The following MAP3K4 variants were observed in gnomAD, a reference collection of about 807,000 sequenced individuals.
MAP3K4 encodes the protein MAP three kinase 1.
A neutral mutation model predicts 185.6 loss-of-function variants in MAP3K4; 67 were observed. That is an observed-to-expected ratio of 0.36 (90% CI 0.30 to 0.44). The LOEUF (loss-of-function observed/expected upper bound fraction) is 0.44. MAP3K4 is among the 20% of genes least tolerant of loss of function. The probability of loss-of-function intolerance (pLI) is 1.00; values close to 1 mark genes in which losing one functional copy is unlikely to be tolerated. For missense variants in MAP3K4, 1,551 were observed against 1,995.1 expected, an observed-to-expected ratio of 0.78 and a Z score of 4.24; for synonymous variants, 702 against 710.4, an observed-to-expected ratio of 0.99 and a Z score of 0.19.
Position 161,115,256 on chromosome 6 carries a change from A to G in MAP3K4, c.4760A>G (p.Lys1587Arg). The change falls in exon 26 of 27, where the codon AAG becomes AGG. Residue 1587 changes from lysine (K) to arginine (R), a missense_variant. Lys to Arg is a conservative substitution (Grantham distance 26). Transcript: ENST00000392142. The surrounding 1 kb of genome is among the most constrained non-coding windows in gnomAD (Gnocchi z 6.0). Reference sequence around the variant, plus strand: ...TCTCACTGCCTTGAGAGTGACCCAAAGATGAGATGGACCGCCAGCCAGCTC... The same window carrying G: ...TCTCACTGCCTTGAGAGTGACCCAAGGATGAGATGGACCGCCAGCCAGCTC... The part of the protein sequence containing the change: ...FLSHCLESDP[K>R]MRWTASQLLD... 6.2e-7 allele frequency: 1 copy of G among 1,614,168 alleles called. No homozygotes were observed. The highest frequency in any genetic ancestry group is 1.7e-5 in the Admixed American group (1 of 60,020).
Position 160,991,861 on chromosome 6 carries a change from T to A in MAP3K4, c.-71T>A. ...GGCGGAGTCGAGTCACTCCCGCACT[T>A]CGGGGCTCCGGTGCCCCGCGCCAGG... On this transcript the variant is annotated 5_prime_UTR_variant, in exon 1 of 27. Transcript: ENST00000392142. This position sits in a 1 kb window ranked among gnomAD's most constrained non-coding sequence, Gnocchi z 5.7. 2 of 1,418,454 alleles carry A rather than the reference T, an allele frequency of 1.4e-6. No homozygotes were observed. Among genetic ancestry groups the A allele is most frequent in the Non-Finnish European group, 1.8e-6 (2 of 1,096,404 alleles). 87.9% of individuals were successfully genotyped at this position (1,418,454 alleles called of 1,614,324 possible).
chr6:161,096,872 T>C lies in MAP3K4; in HGVS notation c.3428-208T>C. 2.1e-6 allele frequency: 1 copy of C among 466,160 alleles called. No homozygotes were observed. The allele number at this position is 466,160 out of a possible 1,614,324, so 28.9% of individuals were successfully genotyped here. A position where few individuals can be genotyped will look rare whatever the true frequency, so the allele number is the denominator to read the frequency against. ...AATGTTTTTTGATGGAGAAAACTGT[T>C]AATATATAATAGGGCTTTACTGACT... On this transcript the variant is annotated intron_variant, in intron 15 of 26. Transcript: ENST00000392142. The surrounding 1 kb of genome is among the most constrained non-coding windows in gnomAD (Gnocchi z 4.9).
chr6:161,040,812 T>C (rs189962064), intron 2 of MAP3K4, among the ~76,000 whole-genome samples: 2 of 152,374 alleles, frequency 1.3e-5, no homozygotes, highest in East Asian at 3.9e-4. Context: ...GTTTGTTCAG[T>C]AAGAGGATAT....
At chr6:161,004,204 A>G (rs1193630363) in intron 1 of MAP3K4, among the ~76,000 whole-genome samples, 1 of 152,170 alleles carries the variant, frequency 6.6e-6, no homozygotes, top group Non-Finnish European at 1.5e-5. Flanking sequence ...ACTAGATTCA[A>G]ATTAAGTTGG....
At chr6:161,095,168 C>T (rs1777512863) in intron 15 of MAP3K4, among the ~76,000 whole-genome samples, 1 of 152,162 alleles carries the variant, frequency 6.6e-6, no homozygotes, top group Non-Finnish European at 1.5e-5. Context: ...TCTCTGGAGA[C>T]TCACATGGTC....
intron 2 of MAP3K4, among the ~76,000 whole-genome samples, chr6:161,046,310 G>A (rs1783725894): frequency 6.6e-6 from 1 of 151,902 alleles, no homozygotes; most frequent in Admixed American, 6.6e-5. Flanking sequence ...TGTTAATAAA[G>A]GTATAAAAAA....
At chr6:161,058,763 T>C (rs1248434346) in intron 3 of MAP3K4, among the ~76,000 whole-genome samples, 3 of 152,104 alleles carry the variant, frequency 2.0e-5, no homozygotes, top group African/African-American at 7.2e-5. Context: ...TGTAGATATA[T>C]ATATATATAT....
chr6:161,055,536 T>G (rs1176876982), intron 3 of MAP3K4, among the ~76,000 whole-genome samples: 1 of 152,240 alleles, frequency 6.6e-6, no homozygotes, highest in African/African-American at 2.4e-5. Flanking sequence ...TATATTAACA[T>G]TGATACAAAG....
In MAP3K4 at chr6:161,053,020, C is replaced by G. The variant is rs1384637845; in HGVS notation, c.1707+3041C>G. Reference sequence around the variant, plus strand: ...AAAGATAGGCGGTAAGTGGTGTTTTCATTCCCACACTGCTATAAAGAAATG... The same window carrying G: ...AAAGATAGGCGGTAAGTGGTGTTTTGATTCCCACACTGCTATAAAGAAATG... On this transcript the variant is annotated intron_variant, in intron 3 of 26. Coordinates refer to ENST00000392142, the MANE Select transcript of MAP3K4 (RefSeq NM_005922.4). The surrounding 1 kb of genome is among the most constrained non-coding windows in gnomAD (Gnocchi z 4.2). 1.3e-5 allele frequency among the ~76,000 whole-genome samples: 2 copies of G among 152,130 alleles called. No homozygotes were observed. Among genetic ancestry groups the G allele is most frequent in the African/African-American group, 4.8e-5 (2 of 41,412 alleles).
At position 161,108,424 on chromosome 6, in the gene MAP3K4, G is replaced by C. The variant is rs1170246055; in HGVS notation, c.4120-319G>C. Among the ~76,000 whole-genome samples the C allele has an allele frequency of 3.3e-5, 5 of 152,134 alleles. No individual in the cohort carries two copies. Among genetic ancestry groups the C allele is most frequent in the African/African-American group, 1.2e-4 (5 of 41,422 alleles). ...TGTCTGTGGAGACATCCGGTTTGAC[G>C]TGGAAGGAGGAGAGGAGTGGAGAGG... On this transcript the variant is annotated intron_variant, in intron 21 of 26. Coordinates refer to ENST00000392142, the MANE Select transcript of MAP3K4 (RefSeq NM_005922.4). This position sits in a 1 kb window ranked among gnomAD's most constrained non-coding sequence, Gnocchi z 5.7.
chr6:161,102,071 C>T, intron 18 of MAP3K4, 79 bp downstream of exon 18: 1 of 1,112,954 alleles, frequency 9.0e-7, no homozygotes, highest in Non-Finnish European at 1.3e-6. Flanking sequence ...GTTGTTAATG[C>T]CTTTATGAGG....
rs1777644090 is a variant in MAP3K4, at chr6:161,097,934, G to A, written c.3525-344G>A. Among the ~76,000 whole-genome samples, 1 of 151,812 alleles carries A rather than the reference G, an allele frequency of 6.6e-6. No homozygotes were observed. Among genetic ancestry groups the A allele is most frequent in the African/African-American group, 2.4e-5 (1 of 41,328 alleles). ...TCATCTCTACAAAAAATACAACAAA[G>A]ATAATAGCTGGGTATGGTGGCCGTG... is the stretch of plus-strand genomic sequence containing the variant. On this transcript the variant is annotated intron_variant, in intron 16 of 26. Transcript: ENST00000392142. The surrounding 1 kb of genome is among the most constrained non-coding windows in gnomAD (Gnocchi z 4.9).
At chr6:161,001,773 G>T (rs980673170) in intron 1 of MAP3K4, among the ~76,000 whole-genome samples, 1 of 152,074 alleles carries the variant, frequency 6.6e-6, no homozygotes, top group Admixed American at 6.5e-5. Flanking sequence ...GTCTGTTTCC[G>T]CATTTGAAAG....
intron 10 of MAP3K4, 83 bp from the exon 11 acceptor site, chr6:161,089,239 A>C (rs1426598474): frequency 1.7e-5 from 25 of 1,445,932 alleles, no homozygotes. Flanking sequence ...TGAGATTGGC[A>C]TTGTTTTTGG....
chr6:161,089,247 T>C, intron 10 of MAP3K4, 75 bp from the exon 11 acceptor site: 3 of 1,492,822 alleles, frequency 2.0e-6, no homozygotes, highest in Non-Finnish European at 2.7e-6. Flanking sequence ...GCATTGTTTT[T>C]GGACTGGTGT....
intron 3 of MAP3K4, among the ~76,000 whole-genome samples, chr6:161,050,825 A>G (rs1436310842): frequency 6.6e-6 from 1 of 152,178 alleles, no homozygotes; most frequent in Non-Finnish European, 1.5e-5. Flanking sequence ...TCTTTGAAAT[A>G]CCTTATACCC....
At position 161,103,966 on chromosome 6, in the gene MAP3K4, A is replaced by AGAGCCGGGT. The variant is rs1777941094; in HGVS notation, c.3856+1189_3856+1190insGCCGGGTGA. Among the ~76,000 whole-genome samples, 1 of 152,166 alleles carries AGAGCCGGGT rather than the reference A, an allele frequency of 6.6e-6. No homozygotes were observed. Among genetic ancestry groups the AGAGCCGGGT allele is most frequent in the South Asian group, 2.1e-4 (1 of 4,828 alleles). On this transcript the variant is annotated intron_variant, in intron 19 of 26. Coordinates refer to ENST00000392142, the MANE Select transcript of MAP3K4 (RefSeq NM_005922.4). The surrounding 1 kb of genome is among the most constrained non-coding windows in gnomAD (Gnocchi z 4.6). ...CCTAGGCTTGAGCCAGGTGACAGGAAGACAGTTTCTTCAGTGGCTCACATG... is the reference window on the plus strand; with the variant it reads ...CCTAGGCTTGAGCCAGGTGACAGGAAGAGCCGGGTGACAGTTTCTTCAGTGGCTCACATG...
intron 3 of MAP3K4, among the ~76,000 whole-genome samples, chr6:161,069,875 G>A (rs1299523411): frequency 6.6e-6 from 1 of 152,046 alleles, no homozygotes; most frequent in Admixed American, 6.6e-5. Flanking sequence ...GCCTTGGGGA[G>A]CCAGGGAGGA....
intron 2 of MAP3K4, among the ~76,000 whole-genome samples, chr6:161,040,646 C>G (rs548271651): frequency 6.6e-6 from 1 of 152,208 alleles, no homozygotes; most frequent in Non-Finnish European, 1.5e-5. Context: ...ATGAGTTGCA[C>G]TCAAAGGATA....
Sources: allele counts gnomAD v4.1 joint callset (sites outside exome capture counted in the v4.1 genomes callset), GRCh38; gene constraint gnomAD v4.1.1; non-coding constraint Gnocchi (gnomAD v3.1); transcripts MANE v1.5; gene names NCBI Gene and HGNC (gene_info 2026-07-23, HGNC 2026-07-21).